KCNT1: variants seen among roughly 807,000 people sequenced by gnomAD.
The protein encoded by KCNT1 is potassium sodium-activated channel subfamily T member 1, also known as potassium channel subfamily T member 1.
A neutral mutation model predicts 147.8 loss-of-function variants in KCNT1; 78 were observed. That is an observed-to-expected ratio of 0.53 (90% CI 0.44 to 0.64). The LOEUF (loss-of-function observed/expected upper bound fraction) is 0.64, where lower values mean the gene tolerates loss of function less well. Among genes scored for constraint, KCNT1 ranks in the 30% least tolerant of loss-of-function variants. The pLI, the probability that KCNT1 is intolerant of heterozygous loss-of-function variation, is 0.00. For synonymous variants in KCNT1, 867 were observed against 748.8 expected, an observed-to-expected ratio of 1.16 and a Z score of -2.58; for missense variants, 1,419 against 1,750.3, an observed-to-expected ratio of 0.81 and a Z score of 3.38.
intron 6 of KCNT1, among the ~76,000 whole-genome samples, chr9:135,756,440 A>G (rs1831485393): frequency 1.3e-5 from 2 of 152,240 alleles, no homozygotes; most frequent in African/African-American, 4.8e-5. Context: ...GAGACCAGAG[A>G]GGGTCTTTCA....
Position 135,793,519 on chromosome 9 carries a change from A to G in KCNT1, c.*1358A>G, listed in dbSNP as rs1240968259. The G allele has an allele frequency of 6.6e-6, 1 of 152,252 alleles. No homozygotes were observed. The highest frequency in any genetic ancestry group is 1.5e-5 in the Non-Finnish European group (1 of 68,120). 9.4% of individuals were successfully genotyped at this position (152,252 alleles called of 1,614,324 possible). On this transcript the variant is annotated 3_prime_UTR_variant, in exon 31 of 31. Coordinates refer to ENST00000371757, the MANE Select transcript of KCNT1 (RefSeq NM_020822.3). ...CCAGTGGCTGCTGGGGATCCCCTAC[A>G]CTGGGGGTCAGGGCTGCCCCAGGTG...
In KCNT1 at chr9:135,752,920, TG is replaced by T. The variant is rs1188810358; in HGVS notation, c.435-1015del. Among the ~76,000 whole-genome samples, 2 of 146,000 alleles carry T rather than the reference TG, an allele frequency of 1.4e-5. No individual in the cohort carries two copies. The highest frequency in any genetic ancestry group is 1.4e-4 in the Admixed American group (2 of 14,704). On this transcript the variant is annotated intron_variant, in intron 4 of 30. Coordinates refer to ENST00000371757, the MANE Select transcript of KCNT1 (RefSeq NM_020822.3). This position sits in a 1 kb window ranked among gnomAD's most constrained non-coding sequence, Gnocchi z 5.1. Reference sequence around the variant, plus strand: ...GATGGAGGGATGAGTGGATGGATGATGGATGGATGGATGGACAGATAAGTAG... The same window carrying T: ...GATGGAGGGATGAGTGGATGGATGATGATGGATGGATGGACAGATAAGTAG...
rs763088289 is a variant in KCNT1, at chr9:135,752,181, C to T, written c.434+1140C>T. ...GAACCCTGCCAGCATGCTGGTCCCC[C>T]CTCTGGCTGCGCAGAGCAGGTTCTT... On this transcript the variant is annotated intron_variant, in intron 4 of 30. Transcript: ENST00000371757. This position sits in a 1 kb window ranked among gnomAD's most constrained non-coding sequence, Gnocchi z 5.1. 9 of 353,772 alleles carry T rather than the reference C, an allele frequency of 2.5e-5. No homozygotes were observed. The highest frequency in any genetic ancestry group is 1.1e-4 in the African/African-American group (5 of 46,694). The allele number at this position is 353,772 out of a possible 1,614,324, so 21.9% of individuals were successfully genotyped here. A position where few individuals can be genotyped will look rare whatever the true frequency, so the allele number is the denominator to read the frequency against.
At chr9:135,721,471 G>A (rs1835922788) in intron 2 of KCNT1, among the ~76,000 whole-genome samples, 1 of 152,224 alleles carries the variant, frequency 6.6e-6, no homozygotes, top group Admixed American at 6.5e-5. Context: ...GACACGGCCA[G>A]CCTGAGAAAT....
Position 135,772,493 on chromosome 9 carries a change from G to A in KCNT1, c.2009-222G>A, listed in dbSNP as rs56068722. Among the ~76,000 whole-genome samples the A allele has an allele frequency of 0.16, 25,111 of 152,194 alleles. 2,419 individuals carry two copies. The highest frequency in any genetic ancestry group is 0.22 in the Non-Finnish European group (14,873 of 67,968). ...CTGGGTGGCACCGATGGGGCACTGG[G>A]GCCCCCTGGGTCTTCGCTCAACATC... On this transcript the variant is annotated intron_variant, in intron 18 of 30. Coordinates refer to ENST00000371757, the MANE Select transcript of KCNT1 (RefSeq NM_020822.3).
chr9:135,786,184 C>A lies in KCNT1; in HGVS notation c.3178-13C>A. The A allele has an allele frequency of 1.9e-6, 3 of 1,604,648 alleles. No homozygotes were observed. Among genetic ancestry groups the A allele is most frequent in the South Asian group, 1.1e-5 (1 of 89,664 alleles). On this transcript the variant is annotated splice_polypyrimidine_tract_variant and intron_variant, in intron 28 of 30. Coordinates refer to ENST00000371757, the MANE Select transcript of KCNT1 (RefSeq NM_020822.3). The stretch of plus-strand genomic sequence containing the variant: ...TCACCCCTCCCCGCCCTGCCCTGCC[C>A]TGCCCTGCCCAGTCCCAGATCTCGG...
intron 2 of KCNT1, among the ~76,000 whole-genome samples, chr9:135,732,172 C>T (rs1830131808): frequency 1.3e-5 from 2 of 151,634 alleles, no homozygotes; most frequent in Non-Finnish European, 1.5e-5. Flanking sequence ...GTGCCCACCA[C>T]CACGTCCAGC....
intron 1 of KCNT1, among the ~76,000 whole-genome samples, chr9:135,712,123 C>T (rs1033656086): frequency 2.0e-5 from 3 of 152,146 alleles, no homozygotes; most frequent in African/African-American, 7.2e-5. Flanking sequence ...CCAAGAGGAG[C>T]AGCGGGGTGC....
At chr9:135,769,883 G>A in intron 15 of KCNT1, 64 bp from the exon 16 acceptor site, 3 of 1,200,140 alleles carry the variant, frequency 2.5e-6, no homozygotes, top group Non-Finnish European at 3.6e-6. Context: ...AAGTGAGCAG[G>A]TACTGTGGGG....
At chr9:135,782,423 G>C (rs531989753) in intron 24 of KCNT1, among the ~76,000 whole-genome samples, 38 of 152,278 alleles carry the variant, frequency 2.5e-4, no homozygotes, top group Non-Finnish European at 4.0e-4. Flanking sequence ...CAGCCTGTGT[G>C]ATCTCTCCTC....
At position 135,745,426 on chromosome 9, in the gene KCNT1, GC is replaced by G. The variant is rs547379399; in HGVS notation, c.255-4670del. 4.6e-5 allele frequency among the ~76,000 whole-genome samples: 7 copies of G among 152,318 alleles called. No individual in the cohort carries two copies. In the East Asian group the frequency reaches 1.4e-3, roughly 29 times the overall value. On this transcript the variant is annotated intron_variant, in intron 2 of 30. Coordinates refer to ENST00000371757, the MANE Select transcript of KCNT1 (RefSeq NM_020822.3). Reference sequence around the variant, plus strand: ...AGAGTGTGGCCCCACCCGGGGTCCCGCCTCTGCCCGTGGTCCACACCTGTGG... The same window carrying G: ...AGAGTGTGGCCCCACCCGGGGTCCCGCTCTGCCCGTGGTCCACACCTGTGG...
At chr9:135,716,223 C>T (rs562107887) in intron 2 of KCNT1, among the ~76,000 whole-genome samples, 40 of 152,318 alleles carry the variant, frequency 2.6e-4, no homozygotes, top group Middle Eastern at 3.4e-3. Context: ...GAGATCCTTC[C>T]GATATTGGGC....
At chr9:135,725,311 G>A (rs1357006074) in intron 2 of KCNT1, among the ~76,000 whole-genome samples, 5 of 152,208 alleles carry the variant, frequency 3.3e-5, no homozygotes, top group South Asian at 2.1e-4. Flanking sequence ...GTAGAAACAC[G>A]GTCTTTGCAG....
intron 2 of KCNT1, among the ~76,000 whole-genome samples, chr9:135,744,302 G>A (rs905392625): frequency 5.3e-5 from 8 of 152,260 alleles, no homozygotes; most frequent in African/African-American, 1.7e-4. Flanking sequence ...CAGGGCGGCC[G>A]GCACTTGCCT....
At chr9:135,740,009 C>T (rs977827486) in intron 2 of KCNT1, among the ~76,000 whole-genome samples, 1 of 152,142 alleles carries the variant, frequency 6.6e-6, no homozygotes, top group Non-Finnish European at 1.5e-5. Flanking sequence ...CTCCTGAGGC[C>T]CCTCCCCTTG....
intron 5 of KCNT1, among the ~76,000 whole-genome samples, chr9:135,754,198 T>C (rs1339240037): frequency 6.6e-6 from 1 of 152,200 alleles, no homozygotes; most frequent in Non-Finnish European, 1.5e-5. Flanking sequence ...GGACAGAGGC[T>C]CACACTGCCT....
chr9:135,765,904 AG>A, intron 13 of KCNT1, 144 bp downstream of exon 13: 2 of 813,010 alleles, frequency 2.5e-6, no homozygotes, highest in South Asian at 3.7e-5. Context: ...TGGACCATCT[AG>A]GTGGACTGTC....
chr9:135,770,517 C>T (rs904417769), intron 17 of KCNT1, 70 bp downstream of exon 17: 25 of 1,526,474 alleles, frequency 1.6e-5, no homozygotes, highest in South Asian at 5.1e-5. Flanking sequence ...CCCACCCTCC[C>T]GGTCAGGCAC....
At chr9:135,748,890 G>A (rs913601869) in intron 2 of KCNT1, among the ~76,000 whole-genome samples, 1 of 152,228 alleles carries the variant, frequency 6.6e-6, no homozygotes, top group Non-Finnish European at 1.5e-5. Context: ...CGGAGGCAGC[G>A]CCCGAGGGCT....
Sources: gnomAD v4.1 joint callset for allele counts (sites outside exome capture counted in the v4.1 genomes callset) on GRCh38, gnomAD v4.1.1 for gene constraint, Gnocchi (gnomAD v3.1) non-coding constraint, MANE v1.5 for transcripts, NCBI Gene and HGNC (gene_info 2026-07-23, HGNC 2026-07-21) for gene names.